PRKCZ: variants seen among roughly 807,000 people sequenced by gnomAD.
The protein encoded by PRKCZ is protein kinase C zeta type.
Under a neutral mutation model 79.5 loss-of-function variants are expected in PRKCZ, and 33 were observed. The ratio of observed to expected loss-of-function variants is 0.41; its 90% CI spans 0.31 to 0.55. The LOEUF (loss-of-function observed/expected upper bound fraction) is 0.55. Ranked by LOEUF, PRKCZ falls within the 20% of genes least tolerant of loss-of-function variation. The pLI, the probability that PRKCZ is intolerant of heterozygous loss-of-function variation, is 0.19. For missense variants in PRKCZ, 578 were observed against 813.5 expected (o/e 0.71, Z 3.52); for synonymous variants, 342 against 320.9 (o/e 1.07, Z -0.70).
chr1:2,185,240 G>A lies in PRKCZ; in HGVS notation c.*231G>A, dbSNP rs923678155. ...TGGAGGAACTTGCTGCTGTGCCTGC[G>A]TCGCGGCGGATCCGCGGGGACCCTG... On this transcript the variant is annotated 3_prime_UTR_variant, in exon 18 of 18. Coordinates refer to ENST00000378567, the MANE Select transcript of PRKCZ (RefSeq NM_002744.6). The A allele has an allele frequency of 2.1e-5, 15 of 710,570 alleles. No homozygotes were observed. The highest frequency in any genetic ancestry group is 1.2e-4 in the Admixed American group (6 of 49,934). 44.0% of individuals were successfully genotyped at this position (710,570 alleles called of 1,614,324 possible).
intron 4 of PRKCZ, among the ~76,000 whole-genome samples, chr1:2,112,866 A>G (rs893225237): frequency 2.0e-5 from 3 of 151,690 alleles, no homozygotes; most frequent in East Asian, 1.9e-4. Context: ...TTTTTTTTCT[A>G]TATTTGGTAG....
intron 16 of PRKCZ, among the ~76,000 whole-genome samples, chr1:2,181,624 C>T (rs775003144): frequency 6.6e-6 from 1 of 152,112 alleles, no homozygotes; most frequent in Non-Finnish European, 1.5e-5. Flanking sequence ...ACGCTGGCCC[C>T]TGGGGATGCT....
At chr1:2,097,839 C>T (rs928064299) in intron 4 of PRKCZ, among the ~76,000 whole-genome samples, 7 of 152,172 alleles carry the variant, frequency 4.6e-5, no homozygotes, top group African/African-American at 7.2e-5. Flanking sequence ...TAGAAGGGTG[C>T]GTCTTGCAGA....
chr1:2,151,062 T>C (rs1362805906), intron 9 of PRKCZ, 84 bp downstream of exon 9: 2 of 1,469,368 alleles, frequency 1.4e-6, no homozygotes, highest in African/African-American at 1.4e-5. Flanking sequence ...AATTAATCCA[T>C]GCACGAGAGA....
At chr1:2,108,177 A>G (rs1026241706) in intron 4 of PRKCZ, among the ~76,000 whole-genome samples, 1 of 152,028 alleles carries the variant, frequency 6.6e-6, no homozygotes, top group Admixed American at 6.5e-5. Flanking sequence ...TACCCGTGTG[A>G]TCTCTGGGTG....
intron 10 of PRKCZ, among the ~76,000 whole-genome samples, chr1:2,157,292 C>T (rs992489116): frequency 1.3e-5 from 2 of 152,198 alleles, no homozygotes; most frequent in African/African-American, 4.8e-5. Flanking sequence ...CAGCCAGCTA[C>T]TAGGGCGTCC....
At chr1:2,051,462 G>C (rs989052277) in intron 1 of PRKCZ, among the ~76,000 whole-genome samples, 2 of 152,252 alleles carry the variant, frequency 1.3e-5, no homozygotes, top group African/African-American at 4.8e-5. Context: ...CCGTGGGTTT[G>C]TTCTTCCACC....
At chr1:2,108,020 G>T (rs527862178) in intron 4 of PRKCZ, among the ~76,000 whole-genome samples, 44 of 152,330 alleles carry the variant, frequency 2.9e-4, no homozygotes, top group African/African-American at 1.0e-3. Context: ...AAGGGAGCCT[G>T]CCTCCGTGGG....
At chr1:2,139,440 A>C (rs111340248) in intron 5 of PRKCZ, among the ~76,000 whole-genome samples, 1 of 151,968 alleles carries the variant, frequency 6.6e-6, no homozygotes, top group African/African-American at 2.4e-5. Flanking sequence ...ATACAAAAAA[A>C]GTAGCCAGGC....
Position 2,148,956 on chromosome 1 carries a change from C to T in PRKCZ, c.687+32C>T, listed in dbSNP as rs70937052. The T allele has an allele frequency of 3.0e-4, 487 of 1,604,492 alleles. 8 individuals are homozygous for T. The East Asian group carries it at 9.4e-3, about 31-fold the overall frequency. On this transcript the variant is annotated intron_variant, in intron 8 of 17. Transcript: ENST00000378567. ...GTGTGGAGCAGCTCGCTGCCATTTC[C>T]GACGTCCTCTGGAAAGTCTGTGAGC...
intron 4 of PRKCZ, among the ~76,000 whole-genome samples, chr1:2,100,522 C>T (rs1036927740): frequency 1.3e-5 from 2 of 152,224 alleles, no homozygotes; most frequent in Non-Finnish European, 2.9e-5. Flanking sequence ...GGGGCCAGCT[C>T]CCCATGGGCG....
chr1:2,150,771 T>C lies in PRKCZ; in HGVS notation c.688-19T>C, dbSNP rs780405755. 6 of 1,605,278 alleles carry C rather than the reference T, an allele frequency of 3.7e-6. No homozygotes were observed. The highest frequency in any genetic ancestry group is 5.1e-6 in the Non-Finnish European group (6 of 1,174,206). On this transcript the variant is annotated intron_variant, in intron 8 of 17. Transcript: ENST00000378567. Reference sequence around the variant, plus strand: ...GGAACCCCCCTCTCACTTTCTGGGGTCTTGTTCTCCCTCCCTAGGACCTTA... The same window carrying C: ...GGAACCCCCCTCTCACTTTCTGGGGCCTTGTTCTCCCTCCCTAGGACCTTA...
intron 1 of PRKCZ, among the ~76,000 whole-genome samples, chr1:2,053,193 G>A (rs573672053): frequency 9.9e-5 from 15 of 150,862 alleles, no homozygotes; most frequent in Non-Finnish European, 2.1e-4. Context: ...CTTCACCTCC[G>A]AGGTTCAAGC....
At chr1:2,120,306 T>G (rs1056838942) in intron 4 of PRKCZ, among the ~76,000 whole-genome samples, 24 of 131,040 alleles carry the variant, frequency 1.8e-4, no homozygotes, top group African/African-American at 7.0e-4. Context: ...TTTTTTTTTT[T>G]TTTTTTTTTT....
At position 2,054,015 on chromosome 1, in the gene PRKCZ, G is replaced by C. The variant is rs78313596; in HGVS notation, c.72-1426G>C. 7.3e-3 allele frequency among the ~76,000 whole-genome samples: 1,108 copies of C among 152,324 alleles called. 54 individuals carry two copies. The East Asian group carries it at 0.13, about 18-fold the overall frequency. On this transcript the variant is annotated intron_variant, in intron 1 of 17. Transcript: ENST00000378567. ...AGGCCCAGGTGGCCCAGGGTGACTG[G>C]GTGAGGCCTGTGGGGCAGGTGGGCC...
In PRKCZ at chr1:2,182,895, A is replaced by C. The variant is rs1300920226; in HGVS notation, c.1576-1688A>C. 4 of 152,402 alleles carry C rather than the reference A, an allele frequency of 2.6e-5. No individual in the cohort carries two copies. In the East Asian group the frequency reaches 7.7e-4, roughly 29 times the overall value. 9.4% of individuals were successfully genotyped at this position (152,402 alleles called of 1,614,324 possible). A position where few individuals can be genotyped will look rare whatever the true frequency, so the allele number is the denominator to read the frequency against. Reference sequence around the variant, plus strand: ...TGAGCCAGTGAATGAGTGAGTGAGCAGGAGTGGGTTAGAGAGCGAGGGAGT... The same window carrying C: ...TGAGCCAGTGAATGAGTGAGTGAGCCGGAGTGGGTTAGAGAGCGAGGGAGT... On this transcript the variant is annotated intron_variant, in intron 16 of 17. Transcript: ENST00000378567.
At chr1:2,171,804 T>C (rs1293237576) in intron 11 of PRKCZ, among the ~76,000 whole-genome samples, 1 of 152,230 alleles carries the variant, frequency 6.6e-6, no homozygotes, top group Non-Finnish European at 1.5e-5. Flanking sequence ...CCTCCCCTTG[T>C]GGAGGCTGCC....
chr1:2,137,531 C>T (rs1012353291), intron 5 of PRKCZ, among the ~76,000 whole-genome samples: 6 of 152,220 alleles, frequency 3.9e-5, no homozygotes, highest in African/African-American at 1.4e-4. Flanking sequence ...CTGCGGGCAG[C>T]CTTGTTCCTG....
chr1:2,100,495 C>T (rs1667257272), intron 4 of PRKCZ, among the ~76,000 whole-genome samples: 1 of 152,234 alleles, frequency 6.6e-6, no homozygotes, highest in Admixed American at 6.5e-5. Context: ...ACGATCTCCT[C>T]CAGGCACTGG....
Sources: allele counts gnomAD v4.1 joint callset (sites outside exome capture counted in the v4.1 genomes callset), GRCh38; gene constraint gnomAD v4.1.1; transcripts MANE v1.5; gene names NCBI Gene and HGNC (gene_info 2026-07-23, HGNC 2026-07-21).